The following USPL1 variants were observed in gnomAD, a reference collection of about 807,000 sequenced individuals.
USPL1 encodes ubiquitin specific peptidase like 1.
USPL1 carries 27 observed loss-of-function variants against 51.5 expected under a neutral mutation model. The ratio of observed to expected loss-of-function variants is 0.52; its 90% CI spans 0.39 to 0.72. The LOEUF (loss-of-function observed/expected upper bound fraction) is 0.72. Ranked by LOEUF, USPL1 falls within the 30% of genes least tolerant of loss-of-function variation. The probability of loss-of-function intolerance (pLI) is 0.00; values close to 1 mark genes in which losing one functional copy is unlikely to be tolerated. For synonymous variants in USPL1, 451 were observed against 459.6 expected, an observed-to-expected ratio of 0.98 and a Z score of 0.24; for missense variants, 1,226 against 1,268.0, an observed-to-expected ratio of 0.97 and a Z score of 0.50.
At chr13:30,625,169 G>C (rs1240763659) in intron 3 of USPL1, among the ~76,000 whole-genome samples, 1 of 152,160 alleles carries the variant, frequency 6.6e-6, no homozygotes, top group Non-Finnish European at 1.5e-5. Context: ...CATGGTTGGA[G>C]TTTATTTATA....
At chr13:30,620,567 CT>C (rs1471166130) in intron 1 of USPL1, among the ~76,000 whole-genome samples, 3 of 152,110 alleles carry the variant, frequency 2.0e-5, no homozygotes, top group Non-Finnish European at 4.4e-5. Context: ...TTGTTAGCAG[CT>C]TTTAATAAGT....
At position 30,630,912 on chromosome 13, in the gene USPL1, G is replaced by A. The variant is rs1339177201; in HGVS notation, c.306G>A (p.Lys102=). The change falls in exon 4 of 9, where the codon AAG becomes AAA. Residue 102 remains lysine (K), a synonymous_variant. Coordinates refer to ENST00000255304, the MANE Select transcript of USPL1 (RefSeq NM_005800.5). ...PDLEECHTPH[K]PQKRKSLESS... is the part of the protein sequence containing the mutation. Reference sequence around the variant, plus strand: ...TGGAAGAATGTCACACTCCACATAAGCCTCAGAAAAGGAAGAGCTTAGAAA... The same window carrying A: ...TGGAAGAATGTCACACTCCACATAAACCTCAGAAAAGGAAGAGCTTAGAAA... The A allele has an allele frequency of 3.7e-6, 6 of 1,614,024 alleles. No homozygotes were observed. Among genetic ancestry groups the A allele is most frequent in the Non-Finnish European group, 4.2e-6 (5 of 1,180,030 alleles).
intron 5 of USPL1, among the ~76,000 whole-genome samples, chr13:30,642,272 TTAA>T (rs1428104808): frequency 7.8e-6 from 1 of 127,890 alleles, no homozygotes; most frequent in Non-Finnish European, 1.6e-5. Context: ...AATTTTTGTT[TTAA>T]TATACTCTAA....
intron 8 of USPL1, among the ~76,000 whole-genome samples, chr13:30,656,041 A>G (rs960864376): frequency 1.3e-5 from 2 of 152,196 alleles, no homozygotes; most frequent in African/African-American, 4.8e-5. Flanking sequence ...TTTGTTGATT[A>G]TTTATTAAGA....
At chr13:30,655,323 A>G (rs1951147615) in intron 8 of USPL1, among the ~76,000 whole-genome samples, 1 of 152,162 alleles carries the variant, frequency 6.6e-6, no homozygotes. Context: ...TGAGTCCTAG[A>G]CATTTGTTGT....
Position 30,621,216 on chromosome 13 carries a change from C to T in USPL1, c.76C>T (p.His26Tyr), listed in dbSNP as rs201003933. The change falls in exon 2 of 9, where the codon CAC (histidine) becomes TAC (tyrosine). Residue 26 changes from histidine (H) to tyrosine (Y), a missense_variant. Physicochemically the swap from His to Tyr is moderately conservative, Grantham distance 83. Coordinates refer to ENST00000255304, the MANE Select transcript of USPL1 (RefSeq NM_005800.5). ...PGTDIGISSLHMVGYLGKNFD... is the reference protein window; with the variant it reads ...PGTDIGISSLYMVGYLGKNFD... ...GACTGATATAGGGATATCTTCACTC[C>T]ACATGGTGGGGTATTTGGGAAAAGT... 6.3e-6 allele frequency: 10 copies of T among 1,595,618 alleles called. No homozygotes were observed. The African/African-American group carries it at 1.4e-4, about 22-fold the overall frequency.
chr13:30,638,781 A>T (rs1372443036), intron 5 of USPL1, among the ~76,000 whole-genome samples: 1 of 151,102 alleles, frequency 6.6e-6, no homozygotes, highest in African/African-American at 2.4e-5. Flanking sequence ...TTAAAAAATG[A>T]TATTTATATT....
rs10507389 is a variant in USPL1, at chr13:30,657,401, A to G, written c.1397-73A>G. The G allele has an allele frequency of 1.6e-3, 2,353 of 1,452,164 alleles. 32 individuals carry two copies. The African/African-American group carries it at 0.026, about 16-fold the overall frequency. The allele number at this position is 1,452,164 out of a possible 1,614,324, so 90.0% of individuals were successfully genotyped here. Reference sequence around the variant, plus strand: ...CGGTATTCAATGATACAACAGTTGAAAAGGCCAGAAGAAAGTTAACCTAGG... The same window carrying G: ...CGGTATTCAATGATACAACAGTTGAGAAGGCCAGAAGAAAGTTAACCTAGG... On this transcript the variant is annotated intron_variant, in intron 8 of 8. Transcript: ENST00000255304.
At chr13:30,625,555 C>T (rs1950704248) in intron 3 of USPL1, among the ~76,000 whole-genome samples, 2 of 149,846 alleles carry the variant, frequency 1.3e-5, no homozygotes, top group African/African-American at 4.9e-5. Flanking sequence ...AAGGGATTCT[C>T]CTGCCTCAGC....
At chr13:30,652,102 T>C (rs183660495) in intron 7 of USPL1, among the ~76,000 whole-genome samples, 42 of 152,382 alleles carry the variant, frequency 2.8e-4, no homozygotes, top group Admixed American at 1.4e-3. Context: ...GTGAAATTGA[T>C]GTCATGATAT....
intron 8 of USPL1, among the ~76,000 whole-genome samples, chr13:30,656,785 C>T (rs1951170551): frequency 1.3e-5 from 2 of 151,966 alleles, no homozygotes; most frequent in South Asian, 4.1e-4. Flanking sequence ...TCCCCACCAG[C>T]GTTACACAAG....
At chr13:30,657,222 T>C (rs984934823) in intron 8 of USPL1, among the ~76,000 whole-genome samples, 2 of 152,226 alleles carry the variant, frequency 1.3e-5, no homozygotes, top group African/African-American at 4.8e-5. Flanking sequence ...AAAACATATA[T>C]GTATGAAACA....
chr13:30,640,290 G>A (rs893597344), intron 5 of USPL1, among the ~76,000 whole-genome samples: 2 of 152,150 alleles, frequency 1.3e-5, no homozygotes, highest in African/African-American at 2.4e-5. Flanking sequence ...GGCTGATAAT[G>A]AATTACAAAA....
chr13:30,640,046 CTT>C (rs1172140583), intron 5 of USPL1, among the ~76,000 whole-genome samples: 1 of 152,166 alleles, frequency 6.6e-6, no homozygotes, highest in Non-Finnish European at 1.5e-5. Flanking sequence ...GGATTCCTCT[CTT>C]GTTTTACTGC....
intron 1 of USPL1, among the ~76,000 whole-genome samples, chr13:30,619,571 C>T (rs563502916): frequency 1.6e-4 from 25 of 152,280 alleles, no homozygotes; most frequent in Non-Finnish European, 3.1e-4. Context: ...AATGATACGA[C>T]GTGTACTGCT....
At chr13:30,654,113 A>G (rs180912693) in intron 8 of USPL1, among the ~76,000 whole-genome samples, 1 of 152,316 alleles carries the variant, frequency 6.6e-6, no homozygotes, top group East Asian at 1.9e-4. Flanking sequence ...TTACAATACA[A>G]AACAACTTAT....
At chr13:30,634,851 G>T (rs545433729) in intron 4 of USPL1, among the ~76,000 whole-genome samples, 4 of 152,196 alleles carry the variant, frequency 2.6e-5, no homozygotes, top group Admixed American at 2.6e-4. Flanking sequence ...ATTCTTCTTG[G>T]TTTATTTTCA....
At chr13:30,621,569 CAT>C (rs1950647338) in intron 2 of USPL1, among the ~76,000 whole-genome samples, 193 bp from the exon 3 acceptor site, 1 of 151,960 alleles carries the variant, frequency 6.6e-6, no homozygotes, top group African/African-American at 2.4e-5. Context: ...AAAACTATAA[CAT>C]AATTCTTTTT....
rs547710624 is a variant in USPL1, at chr13:30,646,178, C to G, written c.1113-754C>G. Among the ~76,000 whole-genome samples, 6 of 152,280 alleles carry G rather than the reference C, an allele frequency of 3.9e-5. No individual in the cohort carries two copies. In the South Asian group the frequency reaches 1.2e-3, roughly 32 times the overall value. ...GAAGCTTGTATCTCTTAAGTAGCTG[C>G]TCTTTAAATTACAAATATTTTTATT... On this transcript the variant is annotated intron_variant, in intron 6 of 8. Transcript: ENST00000255304.
Sources: allele counts gnomAD v4.1 joint callset (sites outside exome capture counted in the v4.1 genomes callset), GRCh38; gene constraint gnomAD v4.1.1; transcripts MANE v1.5; gene names NCBI Gene and HGNC (gene_info 2026-07-23, HGNC 2026-07-21).